Variants in MAP2K1 observed in about 807,000 individuals in gnomAD.
The protein encoded by MAP2K1 is mitogen-activated protein kinase kinase 1, also known as dual specificity mitogen-activated protein kinase kinase 1.
A neutral mutation model predicts 46.3 loss-of-function variants in MAP2K1; 16 were observed. The observed-to-expected ratio is 0.35, with a 90% CI of 0.23 to 0.52. MAP2K1 has a LOEUF of 0.52. Among genes scored for constraint, MAP2K1 ranks in the 20% least tolerant of loss-of-function variants. The probability of loss-of-function intolerance (pLI) is 0.94; values close to 1 mark genes in which losing one functional copy is unlikely to be tolerated. For missense variants in MAP2K1, 263 were observed against 497.1 expected (o/e 0.53, Z 4.48); for synonymous variants, 183 against 185.6 (o/e 0.99, Z 0.11).
At chr15:66,477,564 G>A (rs1892782473) in intron 5 of MAP2K1, among the ~76,000 whole-genome samples, 4 of 152,212 alleles carry the variant, frequency 2.6e-5, no homozygotes, top group African/African-American at 9.6e-5. Flanking sequence ...GCAAACCATG[G>A]CCCAGAAAAG....
intron 1 of MAP2K1, among the ~76,000 whole-genome samples, chr15:66,392,255 GTTT>G (rs58831070): frequency 3.7e-4 from 36 of 97,768 alleles, no homozygotes; most frequent in African/African-American, 1.6e-3. Context: ...TTTTTTTTGG[GTTT>G]TTTTTTTTTT....
intron 2 of MAP2K1, 37 bp from the exon 3 acceptor site, chr15:66,436,709 C>G (rs1286195491): frequency 6.2e-7 from 1 of 1,607,182 alleles, no homozygotes; most frequent in Non-Finnish European, 8.5e-7. Context: ...CTCCCTCTTT[C>G]TTTCATAAAA....
rs58831070 is a variant in MAP2K1, at chr15:66,392,255, G to GTTTTTTTTTTTTTTTTT, written c.80+4836_80+4852dup. 7.2e-5 allele frequency among the ~76,000 whole-genome samples: 7 copies of GTTTTTTTTTTTTTTTTT among 97,766 alleles called. 1 individual carries two copies. Among genetic ancestry groups the GTTTTTTTTTTTTTTTTT allele is most frequent in the African/African-American group, 3.2e-4 (7 of 22,056 alleles). The allele number at this position is 97,766 out of a possible 152,430, so 64.1% of individuals were successfully genotyped here. A position where few individuals can be genotyped will look rare whatever the true frequency, so the allele number is the denominator to read the frequency against. ...ACGAATATTTGTGTGTTTTTTTTGGGTTTTTTTTTTTTTTTTTTTTTTTTA... is the reference window on the plus strand; with the variant it reads ...ACGAATATTTGTGTGTTTTTTTTGGGTTTTTTTTTTTTTTTTTTTTTTTTTTTTTTTTTTTTTTTTTA... On this transcript the variant is annotated intron_variant, in intron 1 of 10. Transcript: ENST00000307102.
At chr15:66,424,505 G>A (rs1379400787) in intron 1 of MAP2K1, among the ~76,000 whole-genome samples, 1 of 152,174 alleles carries the variant, frequency 6.6e-6, no homozygotes, top group Non-Finnish European at 1.5e-5. Context: ...GCTGGGTTTG[G>A]GCTTTCTTTT....
At chr15:66,459,148 A>G (rs1892246767) in intron 5 of MAP2K1, among the ~76,000 whole-genome samples, 1 of 151,482 alleles carries the variant, frequency 6.6e-6, no homozygotes, top group Non-Finnish European at 1.5e-5. Context: ...CCCCGTCTCT[A>G]CTAAAAATAT....
chr15:66,481,145 G>A (rs1023033863), intron 5 of MAP2K1, among the ~76,000 whole-genome samples: 1 of 152,072 alleles, frequency 6.6e-6, no homozygotes, highest in African/African-American at 2.4e-5. Context: ...CCCCTTGACT[G>A]GCAGGGTAGA....
rs545511009 is a variant in MAP2K1, at chr15:66,457,426, T to A, written c.568+12719T>A. 1.3e-4 allele frequency among the ~76,000 whole-genome samples: 20 copies of A among 152,300 alleles called. No individual in the cohort carries two copies. The Middle Eastern group carries it at 0.01, about 78-fold the overall frequency. On this transcript the variant is annotated intron_variant, in intron 5 of 10. Transcript: ENST00000307102. ...TGAGCCACTGTGCCCTGCTGGAAAT[T>A]CAGATTATTGTGTCCATAAATAAAG...
chr15:66,433,393 GTTGGGTT>G (rs1438012505), intron 1 of MAP2K1, among the ~76,000 whole-genome samples: 1 of 152,214 alleles, frequency 6.6e-6, no homozygotes, highest in Non-Finnish European at 1.5e-5. Flanking sequence ...TGCCAGCATG[GTTGGGTT>G]TTGGCAAGAG....
chr15:66,443,966 G>A (rs543739228), intron 4 of MAP2K1, among the ~76,000 whole-genome samples: 5 of 151,034 alleles, frequency 3.3e-5, no homozygotes, highest in Admixed American at 6.6e-5. Flanking sequence ...GGCTGGGCGC[G>A]GTGGCTCATG....
intron 10 of MAP2K1, chr15:66,490,020 G>T: frequency 1.7e-6 from 1 of 587,574 alleles, no homozygotes; most frequent in Non-Finnish European, 3.0e-6. Context: ...GAAAAGGCCA[G>T]CCCACCCCCT....
intron 10 of MAP2K1, 198 bp from the exon 11 acceptor site, chr15:66,490,304 G>A (rs569243427): frequency 2.5e-4 from 174 of 692,530 alleles, no homozygotes; most frequent in East Asian, 5.5e-5. Flanking sequence ...ACTTGCCCAA[G>A]GCCTCACAGC....
intron 1 of MAP2K1, among the ~76,000 whole-genome samples, chr15:66,412,954 G>A (rs2093414953): frequency 1.3e-5 from 2 of 151,998 alleles, no homozygotes. Flanking sequence ...GGAGTACAGT[G>A]GCGTGATCTC....
rs1892917538 is a variant in MAP2K1, at chr15:66,481,642, G to T, written c.569-113G>T. 9.0e-6 allele frequency: 11 copies of T among 1,228,332 alleles called. No homozygotes were observed. In the South Asian group the frequency reaches 1.3e-4, roughly 15 times the overall value. The allele number at this position is 1,228,332 out of a possible 1,614,324, so 76.1% of individuals were successfully genotyped here. ...CAAGGGCTGCCTCTGATGGCGGACG[G>T]GGGTGTGGTCCTGGGACTCGTGGTC... On this transcript the variant is annotated intron_variant, in intron 5 of 10. Transcript: ENST00000307102.
intron 1 of MAP2K1, among the ~76,000 whole-genome samples, chr15:66,404,639 G>T (rs540750476): frequency 6.6e-6 from 1 of 152,338 alleles, no homozygotes; most frequent in African/African-American, 2.4e-5. Context: ...GGGAAGTCAA[G>T]GGGAGAGGTA....
intron 1 of MAP2K1, among the ~76,000 whole-genome samples, chr15:66,420,922 C>CAT (rs201021234): frequency 9.4e-5 from 12 of 128,244 alleles, no homozygotes; most frequent in African/African-American, 3.5e-4. Context: ...CACATACATA[C>CAT]ATATATATAC....
At chr15:66,394,640 A>T (rs761043304) in intron 1 of MAP2K1, among the ~76,000 whole-genome samples, 10 of 151,904 alleles carry the variant, frequency 6.6e-5, no homozygotes, top group Non-Finnish European at 1.5e-4. Flanking sequence ...ATTTAGAGAT[A>T]GGGTCTTGCT....
intron 5 of MAP2K1, among the ~76,000 whole-genome samples, chr15:66,464,132 G>A (rs7177890): frequency 0.097 from 14,799 of 152,144 alleles, 2,367 homozygotes; most frequent in African/African-American, 0.34. Flanking sequence ...TTTTGAGAAA[G>A]CATTTTAGAA....
intron 1 of MAP2K1, among the ~76,000 whole-genome samples, chr15:66,432,581 C>A (rs2093477511): frequency 6.6e-6 from 1 of 152,174 alleles, no homozygotes; most frequent in African/African-American, 2.4e-5. Context: ...GGTGCAAAGG[C>A]CTTTTTGTGT....
intron 5 of MAP2K1, chr15:66,446,535 T>A (rs1440848427): frequency 1.6e-5 from 3 of 183,824 alleles, no homozygotes; most frequent in Non-Finnish European, 1.2e-5. Flanking sequence ...TGGCACAAAC[T>A]ATGCCACTGG....
Sources: gnomAD v4.1 joint callset for allele counts (sites outside exome capture counted in the v4.1 genomes callset) on GRCh38, gnomAD v4.1.1 for gene constraint, MANE v1.5 for transcripts, NCBI Gene and HGNC (gene_info 2026-07-23, HGNC 2026-07-21) for gene names.